Variants in TLN2 observed in about 807,000 individuals in gnomAD.
TLN2 encodes talin 2.
TLN2 carries 118 observed loss-of-function variants against 294.7 expected under a neutral mutation model. The ratio of observed to expected loss-of-function variants is 0.40; its 90% CI spans 0.34 to 0.47. TLN2 has a LOEUF of 0.47. Among genes scored for constraint, TLN2 ranks in the 20% least tolerant of loss-of-function variants. The probability of loss-of-function intolerance (pLI) is 0.84; values close to 1 mark genes in which losing one functional copy is unlikely to be tolerated. For synonymous variants in TLN2, 1,431 were observed against 1,304.5 expected, an observed-to-expected ratio of 1.10 and a Z score of -2.09; for missense variants, 3,083 against 3,282.2, an observed-to-expected ratio of 0.94 and a Z score of 1.48.
At chr15:62,401,002 G>T (rs891338202) in intron 1 of TLN2, among the ~76,000 whole-genome samples, 1 of 152,032 alleles carries the variant, frequency 6.6e-6, no homozygotes, top group African/African-American at 2.4e-5. Context: ...TTTTAGCAGA[G>T]ACAGGGTTTC....
At chr15:62,782,457 C>T (rs117665276) in intron 44 of TLN2, among the ~76,000 whole-genome samples, 2 of 152,340 alleles carry the variant, frequency 1.3e-5, no homozygotes, top group East Asian at 3.9e-4. Context: ...TGAGCAGCCT[C>T]ATGGTGTTTC....
At chr15:62,712,125 T>TGGA in intron 22 of TLN2, 48 bp downstream of exon 22, 1 of 1,589,362 alleles carries the variant, frequency 6.3e-7, no homozygotes, top group South Asian at 1.1e-5. Context: ...TATTAAGTGT[T>TGGA]AGGATTTGGA....
intron 22 of TLN2, among the ~76,000 whole-genome samples, chr15:62,713,550 A>G (rs1264739325): frequency 6.6e-6 from 1 of 151,560 alleles, no homozygotes. Flanking sequence ...TTGGTGGCAC[A>G]TGCCTGTAAT....
chr15:62,460,044 C>T (rs1042650457), intron 1 of TLN2, among the ~76,000 whole-genome samples: 3 of 152,174 alleles, frequency 2.0e-5, no homozygotes, highest in African/African-American at 7.2e-5. Flanking sequence ...AGCAGAGTTG[C>T]GGCTTCAGAT....
At chr15:62,409,143 T>A (rs1223751461) in intron 1 of TLN2, among the ~76,000 whole-genome samples, 2 of 151,580 alleles carry the variant, frequency 1.3e-5, no homozygotes, top group South Asian at 2.1e-4. Flanking sequence ...TGACTGACTG[T>A]TGGGGATTTT....
intron 45 of TLN2, among the ~76,000 whole-genome samples, chr15:62,785,111 T>C (rs907652545): frequency 2.0e-5 from 3 of 152,238 alleles, no homozygotes; most frequent in Non-Finnish European, 4.4e-5. Context: ...TTTTGAGATA[T>C]TAGAATAATT....
At chr15:62,725,604 A>G (rs763083425) in intron 27 of TLN2, among the ~76,000 whole-genome samples, 1 of 152,172 alleles carries the variant, frequency 6.6e-6, no homozygotes, top group Non-Finnish European at 1.5e-5. Flanking sequence ...CCTCATTTGT[A>G]TGTACTTCCT....
intron 51 of TLN2, among the ~76,000 whole-genome samples, chr15:62,806,543 G>A (rs1026920171): frequency 9.2e-5 from 14 of 152,200 alleles, no homozygotes; most frequent in African/African-American, 3.4e-4. Context: ...AGCAGAACTT[G>A]GCGAGCTGCT....
At chr15:62,534,527 C>T (rs2041229162) in intron 1 of TLN2, among the ~76,000 whole-genome samples, 1 of 152,168 alleles carries the variant, frequency 6.6e-6, no homozygotes, top group Non-Finnish European at 1.5e-5. Flanking sequence ...CAAGAACCTG[C>T]ATGTGTTCAA....
At chr15:62,646,593 C>T (rs917717592) in intron 3 of TLN2, among the ~76,000 whole-genome samples, 2 of 152,182 alleles carry the variant, frequency 1.3e-5, no homozygotes, top group African/African-American at 4.8e-5. Flanking sequence ...TCTTGGTACC[C>T]TTTGGGTTTA....
intron 11 of TLN2, 112 bp from the exon 12 acceptor site, chr15:62,686,523 GCCCTAC>G: frequency 8.1e-7 from 1 of 1,238,726 alleles, no homozygotes; most frequent in African/African-American, 1.9e-5. Flanking sequence ...TTTCCCTATA[GCCCTAC>G]CTGTTTTGAA....
At position 62,797,191 on chromosome 15, in the gene TLN2, C is replaced by A. The variant is rs570627947; in HGVS notation, c.6051-28C>A. On this transcript the variant is annotated intron_variant, in intron 47 of 58. Coordinates refer to ENST00000636159, the MANE Select transcript of TLN2 (RefSeq NM_015059.3). ...CAAGCTTTGCCCTCTGTCTCTCCCC[C>A]TCTCCCCTGCCCTCCTGGCTCTCTC... The A allele has an allele frequency of 6.2e-6, 10 of 1,613,566 alleles. No individual in the cohort carries two copies. The East Asian group carries it at 2.0e-4, about 32-fold the overall frequency.
chr15:62,653,884 G>C (rs1190777746), intron 7 of TLN2, among the ~76,000 whole-genome samples: 1 of 151,952 alleles, frequency 6.6e-6, no homozygotes, highest in African/African-American at 2.4e-5. Context: ...TCCAAATAAG[G>C]TTGAACAAGT....
At chr15:62,531,370 A>G (rs1441940814) in intron 1 of TLN2, among the ~76,000 whole-genome samples, 1 of 152,238 alleles carries the variant, frequency 6.6e-6, no homozygotes, top group Non-Finnish European at 1.5e-5. Context: ...GATCTCATAG[A>G]AGCAGAAAGT....
intron 14 of TLN2, among the ~76,000 whole-genome samples, chr15:62,695,550 A>G (rs2058268192): frequency 6.6e-6 from 1 of 152,342 alleles, no homozygotes; most frequent in South Asian, 2.1e-4. Context: ...GATGTTTCCC[A>G]TAGTACGCTG....
At chr15:62,392,825 C>G (rs1001161682) in intron 1 of TLN2, among the ~76,000 whole-genome samples, 1 of 151,984 alleles carries the variant, frequency 6.6e-6, no homozygotes, top group African/African-American at 2.4e-5. Flanking sequence ...AGGTGTTAGG[C>G]AGCTCTTTCC....
At chr15:62,479,066 C>G (rs1263634485) in intron 1 of TLN2, among the ~76,000 whole-genome samples, 1 of 152,164 alleles carries the variant, frequency 6.6e-6, no homozygotes, top group Non-Finnish European at 1.5e-5. Flanking sequence ...CTGGGATGTC[C>G]ATCTAGTGAC....
intron 2 of TLN2, among the ~76,000 whole-genome samples, chr15:62,616,064 C>T (rs2048294549): frequency 6.6e-6 from 1 of 152,088 alleles, no homozygotes; most frequent in Admixed American, 6.5e-5. Context: ...AGCTTTTAAG[C>T]TCTAAATGGT....
At position 62,435,973 on chromosome 15, in the gene TLN2, A is replaced by ATTT. The variant is rs1470800850; in HGVS notation, c.-238+45290_-238+45292dup. 2.6e-4 allele frequency among the ~76,000 whole-genome samples: 40 copies of ATTT among 152,128 alleles called. 1 individual carries two copies. The highest frequency in any genetic ancestry group is 9.7e-4 in the African/African-American group (40 of 41,410). On this transcript the variant is annotated intron_variant, in intron 1 of 58. Transcript: ENST00000636159. Reference sequence around the variant, plus strand: ...TAGTCAAATTTATTAATCTTTATGAATTTTGGATTTTGTATCATGCTCCAT... The same window carrying ATTT: ...TAGTCAAATTTATTAATCTTTATGAATTTTTTTGGATTTTGTATCATGCTCCAT...
Sources: gnomAD v4.1 joint callset for allele counts (sites outside exome capture counted in the v4.1 genomes callset) on GRCh38, gnomAD v4.1.1 for gene constraint, MANE v1.5 for transcripts, NCBI Gene and HGNC (gene_info 2026-07-23, HGNC 2026-07-21) for gene names.